The following EYS variants were observed in gnomAD, a reference collection of about 807,000 sequenced individuals.
EYS encodes the protein EGF-like photoreceptor maintenance factor.
EYS carries 250 observed loss-of-function variants against 282.1 expected under a neutral mutation model. The ratio of observed to expected loss-of-function variants is 0.89; its 90% CI spans 0.80 to 0.98. EYS has a LOEUF of 0.98. EYS is among the 50% of genes least tolerant of loss of function. The pLI is 0.00. For missense variants in EYS, 4,016 were observed against 3,709.0 expected, an observed-to-expected ratio of 1.08 and a Z score of -2.15; for synonymous variants, 1,355 against 1,282.9, an observed-to-expected ratio of 1.06 and a Z score of -1.20.
rs145633415 is a variant in EYS at position 64,829,328 on chromosome 6, G to C, written c.2993-6506C>G. Among the ~76,000 whole-genome samples the C allele has an allele frequency of 5.3e-3, 812 of 152,122 alleles. 4 individuals are homozygous for C. Among genetic ancestry groups the C allele is most frequent in the Admixed American group, 8.9e-3 (135 of 15,242 alleles). ...GCTAGAGTGGCAAATATGGAGGCCTGTGCATGGACCCAATGTATGGGCTCC... is the reference window on the plus strand; with the variant it reads ...GCTAGAGTGGCAAATATGGAGGCCTCTGCATGGACCCAATGTATGGGCTCC... On this transcript the variant is annotated intron_variant, in intron 19 of 42. Coordinates refer to ENST00000503581, the MANE Select transcript of EYS (RefSeq NM_001142800.2).
rs1029515581 is a variant in EYS, at chr6:64,235,298, C to T, written c.6192-4474G>A. Among the ~76,000 whole-genome samples, 416 of 142,900 alleles carry T rather than the reference C, an allele frequency of 2.9e-3. 3 individuals carry two copies. The highest frequency in any genetic ancestry group is 0.01 in the African/African-American group (388 of 38,760). 93.7% of individuals were successfully genotyped at this position (142,900 alleles called of 152,430 possible). ...TGTTCCCCTGCCTGTGTCCATGTGT[C>T]CTCATTGTTCAATTCCCACCTATGA... On this transcript the variant is annotated intron_variant, in intron 30 of 42. Transcript: ENST00000503581.
chr6:64,659,864 G>A (rs1302449594), intron 22 of EYS, among the ~76,000 whole-genome samples: 1 of 152,108 alleles, frequency 6.6e-6, no homozygotes. Context: ...GAAAAAGAGG[G>A]ACTCCTCCCT....
rs1768356902 is a variant in EYS at position 63,720,924 on chromosome 6, T to C, written c.9107A>G (p.Asn3036Ser). Residue 3036 changes from asparagine to serine, a missense_variant, in exon 43 of 43, where the codon AAT becomes AGT. Transcript: ENST00000503581. ...ERISVPMSYNNGTFCCNKWHH... is the reference protein window; with the variant it reads ...ERISVPMSYNSGTFCCNKWHH... ...CCATTTATTACAACAGAATGTGCCA[T>C]TGTTATAGCTCATAGGCACAGAGAT... The C allele has an allele frequency of 6.4e-7, 1 of 1,551,166 alleles. No homozygotes were observed. The highest frequency in any genetic ancestry group is 1.4e-5 in the African/African-American group (1 of 73,146).
intron 30 of EYS, among the ~76,000 whole-genome samples, chr6:64,258,625 A>G (rs1411768519): frequency 6.6e-6 from 1 of 152,130 alleles, no homozygotes; most frequent in Non-Finnish European, 1.5e-5. Context: ...TTATCACACA[A>G]AATAAAAATA....
At chr6:65,136,604 A>T (rs754133537) in intron 12 of EYS, among the ~76,000 whole-genome samples, 1 of 152,154 alleles carries the variant, frequency 6.6e-6, no homozygotes, top group Non-Finnish European at 1.5e-5. Flanking sequence ...TAACATAAAT[A>T]ATGAAGATTA....
At position 64,312,789 on chromosome 6, in the gene EYS, A is replaced by C. The variant is rs182917292; in HGVS notation, c.6079-5707T>G. Among the ~76,000 whole-genome samples, 42 of 152,308 alleles carry C rather than the reference A, an allele frequency of 2.8e-4. 1 individual carries two copies. The highest frequency in any genetic ancestry group is 3.7e-4 in the Non-Finnish European group (25 of 68,030). On this transcript the variant is annotated intron_variant, in intron 29 of 42. Transcript: ENST00000503581. ...ACTCCAGCAGACCAGTAGCAGAGGG[A>C]ACTGACTGTTAGAAAGAAAACTAAC... is the stretch of plus-strand genomic sequence containing the variant.
intron 22 of EYS, among the ~76,000 whole-genome samples, chr6:64,808,297 A>T (rs1477760221): frequency 6.6e-6 from 1 of 152,092 alleles, no homozygotes; most frequent in Non-Finnish European, 1.5e-5. Context: ...TATCACATTA[A>T]ATTAGCATTT....
At chr6:63,953,062 C>A (rs566253592) in intron 35 of EYS, among the ~76,000 whole-genome samples, 1 of 152,150 alleles carries the variant, frequency 6.6e-6, no homozygotes, top group Non-Finnish European at 1.5e-5. Flanking sequence ...CCTGTGGTGC[C>A]CAACCCATAC....
At chr6:64,951,751 A>C (rs1375267770) in intron 14 of EYS, among the ~76,000 whole-genome samples, 1 of 151,900 alleles carries the variant, frequency 6.6e-6, no homozygotes, top group Admixed American at 6.6e-5. Context: ...CAGAATTAAT[A>C]AACTTGCTAG....
At chr6:64,932,202 G>A (rs1376194674) in intron 15 of EYS, among the ~76,000 whole-genome samples, 2 of 151,882 alleles carry the variant, frequency 1.3e-5, no homozygotes, top group Non-Finnish European at 2.9e-5. Flanking sequence ...TGCAATAATG[G>A]TAGCTGAGAA....
At chr6:65,433,009 G>A (rs970685822) in intron 5 of EYS, among the ~76,000 whole-genome samples, 45 of 152,198 alleles carry the variant, frequency 3.0e-4, no homozygotes, top group Non-Finnish European at 6.5e-4. Flanking sequence ...TGGATATCAC[G>A]TGTTTGTTTT....
At chr6:65,090,512 AT>A (rs1561960805) in intron 12 of EYS, among the ~76,000 whole-genome samples, 1 of 152,168 alleles carries the variant, frequency 6.6e-6, no homozygotes, top group African/African-American at 2.4e-5. Flanking sequence ...GTCTTTGTGG[AT>A]TAGAAATATA....
chr6:65,042,497 C>G (rs1012825558), intron 13 of EYS, among the ~76,000 whole-genome samples: 1 of 151,162 alleles, frequency 6.6e-6, no homozygotes, highest in Admixed American at 6.6e-5. Context: ...ATAGCCATCC[C>G]TTTTTAAATT....
chr6:64,664,287 G>A (rs1478139943), intron 22 of EYS, among the ~76,000 whole-genome samples: 1 of 152,192 alleles, frequency 6.6e-6, no homozygotes. Context: ...GATGATAGAT[G>A]ATGTGACTAT....
Position 65,040,618 on chromosome 6 carries a change from T to G in EYS, c.2137+16996A>C, listed in dbSNP as rs545475853. ...AGGAAAAATTTAGCACATAGTATAC[T>G]CACTTGATGCCTCTTTTATTCCTCC... is the stretch of plus-strand genomic sequence containing the variant. On this transcript the variant is annotated intron_variant, in intron 13 of 42. Coordinates refer to ENST00000503581, the MANE Select transcript of EYS (RefSeq NM_001142800.2). 2.6e-5 allele frequency among the ~76,000 whole-genome samples: 4 copies of G among 151,784 alleles called. No homozygotes were observed. The South Asian group carries it at 8.3e-4, about 31-fold the overall frequency.
At chr6:63,761,810 T>C (rs1769650145) in intron 41 of EYS, among the ~76,000 whole-genome samples, 2 of 151,974 alleles carry the variant, frequency 1.3e-5, no homozygotes, top group Admixed American at 1.3e-4. Flanking sequence ...GCTTAATCTC[T>C]CCAACTTCCT....
At chr6:65,414,824 G>A (rs1412572742) in intron 5 of EYS, among the ~76,000 whole-genome samples, 1 of 152,130 alleles carries the variant, frequency 6.6e-6, no homozygotes, top group East Asian at 1.9e-4. Flanking sequence ...AAAGCCAAGA[G>A]AACAGGTATG....
chr6:64,618,128 G>A (rs1767333164), intron 23 of EYS, among the ~76,000 whole-genome samples: 1 of 152,102 alleles, frequency 6.6e-6, no homozygotes, highest in South Asian at 2.1e-4. Flanking sequence ...AAATTTTCCA[G>A]ACCAAAACAC....
chr6:63,793,993 C>T (rs1003805591), intron 37 of EYS, among the ~76,000 whole-genome samples: 8 of 152,148 alleles, frequency 5.3e-5, no homozygotes, highest in Admixed American at 2.6e-4. Flanking sequence ...TGAAGACAGC[C>T]TGGTTCCAGA....
Sources: allele counts gnomAD v4.1 joint callset (sites outside exome capture counted in the v4.1 genomes callset), GRCh38; gene constraint gnomAD v4.1.1; transcripts MANE v1.5; gene names NCBI Gene and HGNC (gene_info 2026-07-23, HGNC 2026-07-21).